Variants in PCNX2 observed in about 807,000 individuals in gnomAD.
The protein encoded by PCNX2 is pecanex 2, also known as pecanex-like protein 2.
A neutral mutation model predicts 223.8 loss-of-function variants in PCNX2; 168 were observed. The observed-to-expected ratio is 0.75, with a 90% CI of 0.66 to 0.85. The LOEUF (loss-of-function observed/expected upper bound fraction) is 0.85. PCNX2 is among the 40% of genes least tolerant of loss of function. The pLI, the probability that PCNX2 is intolerant of heterozygous loss-of-function variation, is 0.00. For missense variants in PCNX2, 2,507 were observed against 2,675.5 expected (o/e 0.94, Z 1.39); for synonymous variants, 1,006 against 1,052.6 (o/e 0.96, Z 0.86).
At chr1:233,203,388 C>T (rs74637112) in intron 13 of PCNX2, among the ~76,000 whole-genome samples, 6 of 152,020 alleles carry the variant, frequency 3.9e-5, no homozygotes, top group Admixed American at 1.3e-4. Context: ...GAAATGAGTG[C>T]GGACTAATAA....
intron 12 of PCNX2, chr1:233,210,563 G>A (rs1222010047): frequency 1.0e-6 from 1 of 983,798 alleles, no homozygotes; most frequent in African/African-American, 1.7e-5. Flanking sequence ...ACAGTTGTGA[G>A]CCACTGTGCC....
At chr1:233,138,325 T>C (rs1279174353) in intron 20 of PCNX2, among the ~76,000 whole-genome samples, 2 of 152,210 alleles carry the variant, frequency 1.3e-5, no homozygotes, top group African/African-American at 4.8e-5. Context: ...TCTTAGCCCT[T>C]GCATCTGCCT....
At chr1:233,246,160 GCCCTTCAGATGGGATA>G (rs1659106843) in intron 8 of PCNX2, among the ~76,000 whole-genome samples, 1 of 152,026 alleles carries the variant, frequency 6.6e-6, no homozygotes, top group Non-Finnish European at 1.5e-5. Context: ...TGGGATAAAT[GCCCTTCAGATGGGATA>G]AATGCCCTTC....
chr1:233,145,795 A>C (rs1677412537), intron 19 of PCNX2, among the ~76,000 whole-genome samples: 1 of 152,124 alleles, frequency 6.6e-6, no homozygotes, highest in African/African-American at 2.4e-5. Context: ...AATTCTTTAT[A>C]AGCCATGCAC....
intron 33 of PCNX2, chr1:232,985,796 C>T (rs1669452638): frequency 6.7e-6 from 4 of 593,044 alleles, no homozygotes; most frequent in Non-Finnish European, 1.2e-5. Flanking sequence ...TCCGTCATGC[C>T]CCGGTGTAGG....
chr1:233,268,354 T>C (rs1224080433), intron 1 of PCNX2, among the ~76,000 whole-genome samples: 3 of 152,128 alleles, frequency 2.0e-5, no homozygotes, highest in Admixed American at 2.0e-4. Context: ...TCTGGCTGAG[T>C]GAGGATTAGC....
chr1:233,290,942 T>C, intron 1 of PCNX2: 1 of 985,422 alleles, frequency 1.0e-6, no homozygotes. Flanking sequence ...CATGGGGTCT[T>C]GAAGGATGTG....
chr1:233,254,177 T>A (rs1659603109), intron 5 of PCNX2, among the ~76,000 whole-genome samples: 1 of 152,250 alleles, frequency 6.6e-6, no homozygotes, highest in Non-Finnish European at 1.5e-5. Flanking sequence ...TGCTGGCTTC[T>A]CTGTGAGTCC....
chr1:233,205,007 G>T (rs940908380), intron 13 of PCNX2, among the ~76,000 whole-genome samples: 10 of 152,172 alleles, frequency 6.6e-5, no homozygotes, highest in African/African-American at 9.7e-5. Flanking sequence ...ACTGCTAAAA[G>T]TAAAATCTTA....
chr1:233,280,869 C>T (rs1661159858), intron 1 of PCNX2, among the ~76,000 whole-genome samples: 1 of 152,018 alleles, frequency 6.6e-6, no homozygotes, highest in African/African-American at 2.4e-5. Context: ...AAAAATAATT[C>T]TTAATAATAT....
chr1:233,000,778 T>C lies in PCNX2; in HGVS notation c.5098-243A>G, dbSNP rs1362795943. Among the ~76,000 whole-genome samples the C allele has an allele frequency of 2.0e-5, 3 of 152,184 alleles. No individual in the cohort carries two copies. Among genetic ancestry groups the C allele is most frequent in the East Asian group, 1.9e-4 (1 of 5,192 alleles). ...CTTAGGTTCCTCTGACCTTTAGATA[T>C]AGTTTTAGATATAGGTTGGGCACTT... On this transcript the variant is annotated intron_variant, in intron 29 of 33. Coordinates refer to ENST00000258229, the MANE Select transcript of PCNX2 (RefSeq NM_014801.4). The surrounding 1 kb of genome is among the most constrained non-coding windows in gnomAD (Gnocchi z 4.6).
intron 1 of PCNX2, among the ~76,000 whole-genome samples, chr1:233,265,105 T>A (rs1395368736): frequency 6.6e-6 from 1 of 151,996 alleles, no homozygotes; most frequent in Non-Finnish European, 1.5e-5. Flanking sequence ...TAGCCAGGTG[T>A]GGTGGCATGC....
chr1:233,113,864 A>C (rs1675258808), intron 21 of PCNX2, among the ~76,000 whole-genome samples: 1 of 152,246 alleles, frequency 6.6e-6, no homozygotes, highest in Non-Finnish European at 1.5e-5. Context: ...CTCGAATAGC[A>C]CTGAGTTCAA....
chr1:233,057,128 G>C (rs1672218077), intron 24 of PCNX2, 104 bp downstream of exon 24: 1 of 967,922 alleles, frequency 1.0e-6, no homozygotes, highest in Admixed American at 2.3e-5. Context: ...ACTAAGATGT[G>C]CATTGTCTCC....
At chr1:233,118,261 C>A (rs1675543170) in intron 21 of PCNX2, among the ~76,000 whole-genome samples, 1 of 151,692 alleles carries the variant, frequency 6.6e-6, no homozygotes, top group South Asian at 2.1e-4. Context: ...CTACAAAAAA[C>A]TACAACTTAC....
chr1:233,051,311 A>G (rs999722315), intron 25 of PCNX2, among the ~76,000 whole-genome samples: 1 of 152,214 alleles, frequency 6.6e-6, no homozygotes, highest in South Asian at 2.1e-4. Flanking sequence ...TTAAATCAGA[A>G]CTACCTTTCA....
intron 21 of PCNX2, among the ~76,000 whole-genome samples, chr1:233,112,658 C>T (rs1055185179): frequency 2.0e-5 from 3 of 152,134 alleles, no homozygotes; most frequent in South Asian, 2.1e-4. Flanking sequence ...GATGGGCGTT[C>T]GTAAATACTT....
chr1:232,995,811 C>T (rs543119052), intron 32 of PCNX2, among the ~76,000 whole-genome samples: 1 of 152,266 alleles, frequency 6.6e-6, no homozygotes, highest in African/African-American at 2.4e-5. Context: ...AACACCAGCT[C>T]TTCCAGGCAA....
chr1:233,262,623 T>C (rs1007242834), intron 2 of PCNX2, among the ~76,000 whole-genome samples: 3 of 152,236 alleles, frequency 2.0e-5, no homozygotes, highest in Non-Finnish European at 4.4e-5. Flanking sequence ...ACAAATGCTG[T>C]TCTTTAAAAT....
Sources: allele counts gnomAD v4.1 joint callset (sites outside exome capture counted in the v4.1 genomes callset), GRCh38; gene constraint gnomAD v4.1.1; non-coding constraint Gnocchi (gnomAD v3.1); transcripts MANE v1.5; gene names NCBI Gene and HGNC (gene_info 2026-07-23, HGNC 2026-07-21).